The following RSBN1L variants were observed in gnomAD, a reference collection of about 807,000 sequenced individuals.
RSBN1L encodes lysine-specific demethylase RSBN1L.
A neutral mutation model predicts 67.7 loss-of-function variants in RSBN1L; 30 were observed. The observed-to-expected ratio is 0.44, with a 90% CI of 0.33 to 0.60. The LOEUF (loss-of-function observed/expected upper bound fraction) is 0.60, where lower values mean the gene tolerates loss of function less well. Ranked by LOEUF, RSBN1L falls within the 20% of genes least tolerant of loss-of-function variation. The probability of loss-of-function intolerance (pLI) is 0.02; values close to 1 mark genes in which losing one functional copy is unlikely to be tolerated. For synonymous variants in RSBN1L, 433 were observed against 387.0 expected (o/e 1.12, Z -1.39); for missense variants, 992 against 1,031.7 (o/e 0.96, Z 0.53).
At chr7:77,724,544 G>T (rs1791168372) in intron 1 of RSBN1L, among the ~76,000 whole-genome samples, 1 of 150,902 alleles carries the variant, frequency 6.6e-6, no homozygotes, top group South Asian at 2.1e-4. Flanking sequence ...TCCTGCCTCA[G>T]CCTCCTGAGT....
intron 2 of RSBN1L, among the ~76,000 whole-genome samples, chr7:77,744,354 T>A (rs559990925): frequency 2.9e-4 from 44 of 150,548 alleles, no homozygotes; most frequent in South Asian, 2.3e-3. Flanking sequence ...GACTTTTTTT[T>A]AAAAATTAAT....
At chr7:77,760,808 G>A (rs1358673810) in intron 3 of RSBN1L, among the ~76,000 whole-genome samples, 1 of 152,170 alleles carries the variant, frequency 6.6e-6, no homozygotes, top group Non-Finnish European at 1.5e-5. Context: ...GCTAATTTTT[G>A]TATTTTTAGT....
intron 5 of RSBN1L, among the ~76,000 whole-genome samples, chr7:77,769,664 C>T (rs1791819813): frequency 6.6e-6 from 1 of 152,144 alleles, no homozygotes; most frequent in African/African-American, 2.4e-5. Context: ...ACATTTGGAA[C>T]TCATGACACA....
chr7:77,720,265 T>C (rs1791097844), intron 1 of RSBN1L, among the ~76,000 whole-genome samples: 1 of 152,164 alleles, frequency 6.6e-6, no homozygotes, highest in African/African-American at 2.4e-5. Flanking sequence ...TGCCTTGTTA[T>C]AAAAATTGTA....
rs536289792 is a variant in RSBN1L, at chr7:77,730,908, A to T, written c.587-5502A>T. Among the ~76,000 whole-genome samples the T allele has an allele frequency of 3.3e-5, 5 of 152,318 alleles. No homozygotes were observed. The South Asian group carries it at 1.0e-3, about 32-fold the overall frequency. On this transcript the variant is annotated intron_variant, in intron 1 of 7. Coordinates refer to ENST00000334955, the MANE Select transcript of RSBN1L (RefSeq NM_198467.3). ...AAATACCATAGACTGTGATTGCTGG[A>T]ACATATGATAAGAGTATATTTAGTT...
At position 77,720,091 on chromosome 7, in the gene RSBN1L, A is replaced by C. The variant is rs188976963; in HGVS notation, c.587-16319A>C. Reference sequence around the variant, plus strand: ...ATGTGTCCTTTTTTATTTTCCTCTTACTCTTTGTGTGTTCTTGTGACTATT... The same window carrying C: ...ATGTGTCCTTTTTTATTTTCCTCTTCCTCTTTGTGTGTTCTTGTGACTATT... On this transcript the variant is annotated intron_variant, in intron 1 of 7. Coordinates refer to ENST00000334955, the MANE Select transcript of RSBN1L (RefSeq NM_198467.3). 6.6e-5 allele frequency among the ~76,000 whole-genome samples: 10 copies of C among 150,562 alleles called. No homozygotes were observed. The East Asian group carries it at 1.8e-3, about 27-fold the overall frequency.
intron 2 of RSBN1L, among the ~76,000 whole-genome samples, chr7:77,737,946 C>T (rs753419773): frequency 4.0e-5 from 6 of 150,952 alleles, no homozygotes; most frequent in Admixed American, 1.3e-4. Flanking sequence ...TGCCTGAACC[C>T]GGGAGACAAG....
chr7:77,720,937 A>T (rs1791111515), intron 1 of RSBN1L, among the ~76,000 whole-genome samples: 1 of 151,580 alleles, frequency 6.6e-6, no homozygotes, highest in Non-Finnish European at 1.5e-5. Context: ...TTGTATTTTT[A>T]GTAGAGATGG....
chr7:77,707,362 G>A (rs1004720504), intron 1 of RSBN1L, among the ~76,000 whole-genome samples: 16 of 152,170 alleles, frequency 1.1e-4, no homozygotes, highest in African/African-American at 3.9e-4. Context: ...AGCAGGTATT[G>A]TTTTAGTGAT....
intron 6 of RSBN1L, among the ~76,000 whole-genome samples, chr7:77,775,442 T>A (rs1201761110): frequency 6.6e-6 from 1 of 152,080 alleles, no homozygotes; most frequent in Non-Finnish European, 1.5e-5. Context: ...GGCACAAGAA[T>A]TGCTTGAACC....
chr7:77,734,546 T>C (rs1213250296), intron 1 of RSBN1L, among the ~76,000 whole-genome samples: 1 of 151,868 alleles, frequency 6.6e-6, no homozygotes, highest in African/African-American at 2.4e-5. Context: ...TGGAGTGCAG[T>C]GGCATGATCT....
chr7:77,741,429 C>T (rs920536288), intron 2 of RSBN1L, among the ~76,000 whole-genome samples: 4 of 151,818 alleles, frequency 2.6e-5, no homozygotes, highest in Non-Finnish European at 4.4e-5. Context: ...TGGTGGCTCA[C>T]GCCTGTAATC....
intron 3 of RSBN1L, among the ~76,000 whole-genome samples, chr7:77,764,025 G>T (rs531782174): frequency 3.3e-5 from 5 of 152,242 alleles, no homozygotes; most frequent in Non-Finnish European, 5.9e-5. Flanking sequence ...GTGGGTTGGG[G>T]TTTACTTTGT....
At chr7:77,706,741 C>T (rs1388100161) in intron 1 of RSBN1L, among the ~76,000 whole-genome samples, 1 of 152,060 alleles carries the variant, frequency 6.6e-6, no homozygotes, top group Non-Finnish European at 1.5e-5. Flanking sequence ...TTTTGGTAAA[C>T]TCTTTTATTG....
At chr7:77,777,282 CTTTAAA>C (rs913316227) in intron 6 of RSBN1L, among the ~76,000 whole-genome samples, 2 of 152,006 alleles carry the variant, frequency 1.3e-5, no homozygotes, top group Non-Finnish European at 2.9e-5. Flanking sequence ...AAAGAGATTT[CTTTAAA>C]TTTAAAGAGA....
At chr7:77,737,876 G>T (rs1791357583) in intron 2 of RSBN1L, among the ~76,000 whole-genome samples, 1 of 152,064 alleles carries the variant, frequency 6.6e-6, no homozygotes, top group Non-Finnish European at 1.5e-5. Flanking sequence ...TGAAAAATTA[G>T]TGGGGCATGA....
At chr7:77,721,480 T>C (rs1791119002) in intron 1 of RSBN1L, among the ~76,000 whole-genome samples, 1 of 152,124 alleles carries the variant, frequency 6.6e-6, no homozygotes, top group African/African-American at 2.4e-5. Context: ...ATTCAAATTA[T>C]AGAAGAGGGA....
intron 1 of RSBN1L, among the ~76,000 whole-genome samples, chr7:77,716,201 C>G (rs1791045677): frequency 6.6e-6 from 1 of 152,158 alleles, no homozygotes; most frequent in Admixed American, 6.5e-5. Context: ...TTAGATTTCT[C>G]TAGGCATTTT....
At chr7:77,720,799 T>C (rs185836559) in intron 1 of RSBN1L, among the ~76,000 whole-genome samples, 80 of 133,748 alleles carry the variant, frequency 6.0e-4, no homozygotes, top group African/African-American at 2.1e-3. Context: ...AGAGTCTCAC[T>C]CTGTCACCCA....
Sources: gnomAD v4.1 joint callset for allele counts (sites outside exome capture counted in the v4.1 genomes callset) on GRCh38, gnomAD v4.1.1 for gene constraint, MANE v1.5 for transcripts, NCBI Gene and HGNC (gene_info 2026-07-23, HGNC 2026-07-21) for gene names.